Variants in QARS1 observed in about 807,000 individuals in gnomAD.
QARS1 encodes glutaminyl-tRNA synthetase 1.
In QARS1, 79 loss-of-function variants were observed where a neutral mutation model predicts 106.9. That is an observed-to-expected ratio of 0.74 (90% CI 0.62 to 0.89). The LOEUF is 0.89. Ranked by LOEUF, QARS1 falls within the 40% of genes least tolerant of loss-of-function variation. The pLI is 0.00. For synonymous variants in QARS1, 395 were observed against 367.7 expected (o/e 1.07, Z -0.85); for missense variants, 966 against 997.2 (o/e 0.97, Z 0.42).
intron 23 of QARS1, 132 bp from the exon 24 acceptor site, chr3:49,096,211 G>A: frequency 1.2e-6 from 1 of 856,638 alleles, no homozygotes; most frequent in Non-Finnish European, 1.8e-6. Flanking sequence ...AGGGTCAGGA[G>A]GCCCGGGTCC....
chr3:49,102,999 C>G (rs1012813822), intron 5 of QARS1, among the ~76,000 whole-genome samples: 8 of 149,638 alleles, frequency 5.3e-5, no homozygotes, highest in Non-Finnish European at 1.2e-4. Context: ...ATTCTGTACT[C>G]CAGGATGGAG....
Position 49,099,841 on chromosome 3 carries a change from G to C in QARS1, c.1308C>G (p.Pro436=), listed in dbSNP as rs775534723. The change falls in exon 15 of 24, where the codon CCC becomes CCG. Residue 436 remains proline, a synonymous_variant. Coordinates refer to ENST00000306125, the MANE Select transcript of QARS1 (RefSeq NM_005051.3). ...HRTGDKWCIY[P]TYDYTHCLCD... ...AGAGGCAGTGTGTGTAGTCGTAGGT[G>C]GGATAGATGCACCTGTGGGGCATAG... The C allele has an allele frequency of 6.2e-7, 1 of 1,613,980 alleles. No individual in the cohort carries two copies.
In QARS1 at chr3:49,099,859, G is replaced by C; in HGVS notation, c.1296-6C>G. On this transcript the variant is annotated splice_region_variant and splice_polypyrimidine_tract_variant and intron_variant, in intron 14 of 23. Transcript: ENST00000306125. ...CGTAGGTGGGATAGATGCACCTGTG[G>C]GGCATAGGCAGTGGGCCCTACCATC... The C allele has an allele frequency of 6.2e-7, 1 of 1,612,180 alleles. No homozygotes were observed. Among genetic ancestry groups the C allele is most frequent in the Non-Finnish European group, 8.5e-7 (1 of 1,179,382 alleles).
At position 49,102,235 on chromosome 3, in the gene QARS1, G is replaced by A. The variant is rs200703354; in HGVS notation, c.601C>T (p.Arg201Trp). ...TCCACCACATCCTTTGCCGTCCTCC[G>A]GTCTGTTTCTTCTAGCCGAGCTTTT... ...VAKARLEETD[R>W]RTAKDVVENG... The change falls in exon 7 of 24, where the codon CGG (arginine) becomes TGG (tryptophan). Residue 201 changes from arginine (R) to tryptophan (W), a missense_variant. Physicochemically the swap from Arg to Trp is moderately radical, Grantham distance 101. Transcript: ENST00000306125. The A allele has an allele frequency of 3.7e-5, 60 of 1,614,168 alleles. No homozygotes were observed. The East Asian group carries it at 5.6e-4, about 15-fold the overall frequency.
Position 49,098,434 on chromosome 3 carries a change from G to A in QARS1, c.2003C>T (p.Ala668Val). 3.1e-6 allele frequency: 5 copies of A among 1,614,174 alleles called. No individual in the cohort carries two copies. The South Asian group carries it at 3.3e-5, about 11-fold the overall frequency. Residue 668 changes from alanine to valine, a missense_variant, in exon 21 of 24, where the codon GCA becomes GTA. Coordinates refer to ENST00000306125, the MANE Select transcript of QARS1 (RefSeq NM_005051.3). ...VESLEVTCRR[A>V]DAGEKPKAFI... is the part of the protein sequence containing the mutation. The stretch of plus-strand genomic sequence containing the variant: ...GGCCTTTGGCTTCTCTCCAGCATCT[G>A]CCCGTCTGCAGGTCACCTCCAGACT...
rs148998142 is a variant in QARS1, at chr3:49,104,651, G to C, written c.83C>G (p.Ala28Gly). Residue 28 changes from alanine (A) to glycine (G), a missense_variant, in exon 1 of 24, where the codon GCT becomes GGT. Transcript: ENST00000306125. Reference sequence around the variant, plus strand: ...GGCCTCGCGCAGCTGCGCGCTCAGAGCCGAGTTCTTGAGCGTCTCGCGGGC... The same window carrying C: ...GGCCTCGCGCAGCTGCGCGCTCAGACCCGAGTTCTTGAGCGTCTCGCGGGC... ...QKARETLKNS[A>G]LSAQLREAAT... is the part of the protein sequence containing the mutation. 4.4e-6 allele frequency: 7 copies of C among 1,608,798 alleles called. No individual in the cohort carries two copies. The Middle Eastern group carries it at 6.6e-4, about 152-fold the overall frequency.
intron 2 of QARS1, 80 bp from the exon 3 acceptor site, chr3:49,104,052 C>CA: frequency 7.4e-7 from 1 of 1,344,816 alleles, no homozygotes; most frequent in South Asian, 1.2e-5. Flanking sequence ...CATGAAACTC[C>CA]AAGGATAGTC....
At position 49,098,995 on chromosome 3, in the gene QARS1, G is replaced by GCAGGAGACAGGAGACAGGAGA; in HGVS notation, c.1759-7_1759-6insTCTCCTGTCTCCTGTCTCCTG. On this transcript the variant is annotated splice_region_variant and splice_polypyrimidine_tract_variant and intron_variant, in intron 18 of 23. Transcript: ENST00000306125. ...GGCACCTGGATGTCCAAGGACTATA[G>GCAGGAGACAGGAGACAGGAGA]CAGGAGACAGGAGACAGGTATGAGT... The GCAGGAGACAGGAGACAGGAGA allele has an allele frequency of 6.2e-7, 1 of 1,613,376 alleles. No homozygotes were observed. The highest frequency in any genetic ancestry group is 1.7e-5 in the Admixed American group (1 of 60,002).
intron 10 of QARS1, 133 bp from the exon 11 acceptor site, chr3:49,100,807 C>A (rs1575401660): frequency 5.1e-6 from 4 of 783,930 alleles, no homozygotes; most frequent in Non-Finnish European, 8.7e-6. Context: ...TCTTGATTAT[C>A]TTGCACCATC....
chr3:49,099,844 A>AT lies in QARS1; in HGVS notation c.1304dup (p.Tyr435Ter). The change falls in exon 15 of 24, where the codon TAT (tyrosine) becomes TAAT (stop). Residue 435 changes from tyrosine (Y) to a stop codon, truncating the protein, a stop_gained and frameshift_variant. Transcript: ENST00000306125. LOFTEE classifies it high-confidence loss of function. ...HHRTGDKWCI[Y>*]PTYDYTHCLC... ...GGCAGTGTGTGTAGTCGTAGGTGGG[A>AT]TAGATGCACCTGTGGGGCATAGGCA... 6.2e-7 allele frequency: 1 copy of AT among 1,611,532 alleles called. No homozygotes were observed. The highest frequency in any genetic ancestry group is 8.5e-7 in the Non-Finnish European group (1 of 1,179,156).
Position 49,100,434 on chromosome 3 carries a change from T to C in QARS1, c.1001A>G (p.Tyr334Cys), listed in dbSNP as rs749665915. Residue 334 changes from tyrosine to cysteine, a missense_variant, in exon 12 of 24, where the codon TAT (tyrosine) becomes TGT (cysteine). Transcript: ENST00000306125. Reference sequence around the variant, plus strand: ...TAGCTGGTCAAAATAGTCAGACGCATATGTGACTTTGTAAGGTGTGTAGCC... The same window carrying C: ...TAGCTGGTCAAAATAGTCAGACGCACATGTGACTTTGTAAGGTGTGTAGCC... The part of the protein sequence containing the change: ...WLGYTPYKVT[Y>C]ASDYFDQLYA... 1.2e-6 allele frequency: 2 copies of C among 1,614,208 alleles called. No homozygotes were observed. The highest frequency in any genetic ancestry group is 1.7e-6 in the Non-Finnish European group (2 of 1,180,040).
chr3:49,103,959 A>C lies in QARS1; in HGVS notation c.279T>G (p.Tyr93Ter). 6 of 1,613,870 alleles carry C rather than the reference A, an allele frequency of 3.7e-6. No individual in the cohort carries two copies. Among genetic ancestry groups the C allele is most frequent in the Non-Finnish European group, 5.1e-6 (6 of 1,179,976 alleles). The change falls in exon 3 of 24, where the codon TAT becomes TAG. Residue 93 changes from tyrosine to a stop codon, truncating the protein, a stop_gained. Coordinates refer to ENST00000306125, the MANE Select transcript of QARS1 (RefSeq NM_005051.3). LOFTEE classifies it high-confidence loss of function. The stretch of plus-strand genomic sequence containing the variant: ...TGGGGTCCAAGGGGTGACTCCGCAC[A>C]TACTCAAGGGCAGCTGAGAAGAAAG... The part of the protein sequence containing the change: ...TEPQLSAALE[Y>*]VRSHPLDPID...
At position 49,099,751 on chromosome 3, in the gene QARS1, G is replaced by A; in HGVS notation, c.1388+10C>T. The A allele has an allele frequency of 1.2e-6, 2 of 1,613,860 alleles. No individual in the cohort carries two copies. Among genetic ancestry groups the A allele is most frequent in the South Asian group, 2.2e-5 (2 of 91,084 alleles). Reference sequence around the variant, plus strand: ...CTGGCCCTACCACCCCATGGACCCAGCTCCCTCACCGGGCCTGGAATTCCT... The same window carrying A: ...CTGGCCCTACCACCCCATGGACCCAACTCCCTCACCGGGCCTGGAATTCCT... On this transcript the variant is annotated intron_variant, in intron 15 of 23. Coordinates refer to ENST00000306125, the MANE Select transcript of QARS1 (RefSeq NM_005051.3).
At chr3:49,104,505 G>A in intron 1 of QARS1, 34 bp from the exon 2 acceptor site, 6 of 1,611,516 alleles carry the variant, frequency 3.7e-6, no homozygotes, top group South Asian at 3.3e-5. Context: ...GAAGCCCCGC[G>A]CTCAGTGAGA....
At position 49,101,971 on chromosome 3, in the gene QARS1, G is replaced by C. The variant is rs2042477733; in HGVS notation, c.632-72C>G. On this transcript the variant is annotated intron_variant, in intron 7 of 23. Transcript: ENST00000306125. Reference sequence around the variant, plus strand: ...CATATCCTACAGCCAGAACAGAACTGAGTAGACCCCTATTCCCTCAATTCC... The same window carrying C: ...CATATCCTACAGCCAGAACAGAACTCAGTAGACCCCTATTCCCTCAATTCC... 4.7e-6 allele frequency: 7 copies of C among 1,481,610 alleles called. No homozygotes were observed. The South Asian group carries it at 7.4e-5, about 16-fold the overall frequency. 91.8% of individuals were successfully genotyped at this position (1,481,610 alleles called of 1,614,324 possible).
At chr3:49,098,166 C>T (rs763281089) in intron 22 of QARS1, 26 bp downstream of exon 22, 3 of 1,614,062 alleles carry the variant, frequency 1.9e-6, no homozygotes, top group Non-Finnish European at 2.5e-6. Context: ...GGCCTACCTC[C>T]CTCACCCCAA....
At chr3:49,096,174 T>C (rs1447207662) in intron 23 of QARS1, 95 bp from the exon 24 acceptor site, 2 of 1,348,986 alleles carry the variant, frequency 1.5e-6, no homozygotes, top group Non-Finnish European at 2.1e-6. Flanking sequence ...CTAACATCCT[T>C]CTTAAGCCAA....
At position 49,099,345 on chromosome 3, in the gene QARS1, C is replaced by G. The variant is rs778807845; in HGVS notation, c.1613G>C (p.Arg538Pro). The G allele has an allele frequency of 6.2e-7, 1 of 1,614,032 alleles. No homozygotes were observed. The highest frequency in any genetic ancestry group is 1.7e-5 in the Admixed American group (1 of 60,004). Residue 538 changes from arginine to proline, a missense_variant and splice_region_variant, in exon 17 of 24, where the codon CGG (arginine) becomes CCG (proline). By Grantham distance (103) the Arg-to-Pro change is moderately radical. Coordinates refer to ENST00000306125, the MANE Select transcript of QARS1 (RefSeq NM_005051.3). The part of the protein sequence containing the change: ...PPEAINNFCA[R>P]VGVTVAQTTM... Reference sequence around the variant, plus strand: ...TCTACCCAACCTGCTGGGCTATACCCGGGCACAGAAGTTGTTGATGGCCTC... The same window carrying G: ...TCTACCCAACCTGCTGGGCTATACCGGGGCACAGAAGTTGTTGATGGCCTC...
rs774918172 is a variant in QARS1, at chr3:49,101,346, C to G, written c.876+9G>C. ...ATCTTGCTTGCCAGGTCCCTAGACA[C>G]ATGCTTACCTTGGCATAGCCAAAGT... On this transcript the variant is annotated intron_variant, in intron 10 of 23. Coordinates refer to ENST00000306125, the MANE Select transcript of QARS1 (RefSeq NM_005051.3). 1 of 1,601,112 alleles carries G rather than the reference C, an allele frequency of 6.2e-7. No homozygotes were observed. The highest frequency in any genetic ancestry group is 2.2e-5 in the East Asian group (1 of 44,808).
Sources: gnomAD v4.1 joint callset for allele counts (sites outside exome capture counted in the v4.1 genomes callset) on GRCh38, gnomAD v4.1.1 for gene constraint, MANE v1.5 for transcripts, NCBI Gene and HGNC (gene_info 2026-07-23, HGNC 2026-07-21) for gene names.